The following AGO1 variants were observed in gnomAD, a reference collection of about 807,000 sequenced individuals.
The protein encoded by AGO1 is protein argonaute-1.
A neutral mutation model predicts 109.2 loss-of-function variants in AGO1; 11 were observed. That is an observed-to-expected ratio of 0.10 (90% CI 0.06 to 0.17). The LOEUF (loss-of-function observed/expected upper bound fraction) is 0.17, where lower values mean the gene tolerates loss of function less well. AGO1 is among the 10% of genes least tolerant of loss of function. AGO1 has a pLI of 1.00. For synonymous variants in AGO1, 422 were observed against 418.6 expected, an observed-to-expected ratio of 1.01 and a Z score of -0.10; for missense variants, 574 against 1,140.3, an observed-to-expected ratio of 0.50 and a Z score of 7.15.
intron 1 of AGO1, among the ~76,000 whole-genome samples, chr1:35,884,091 C>T (rs977132725): frequency 5.3e-5 from 8 of 151,250 alleles, no homozygotes; most frequent in Non-Finnish European, 8.9e-5. Flanking sequence ...CTCTCCACAC[C>T]CCCCCGCCCC....
intron 12 of AGO1, among the ~76,000 whole-genome samples, chr1:35,908,582 T>C (rs1239422649): frequency 1.3e-5 from 2 of 152,356 alleles, no homozygotes; most frequent in East Asian, 3.9e-4. Context: ...ACAGATATAG[T>C]CTCTGCTCTT....
In AGO1 at chr1:35,883,379, T is replaced by C. The variant is rs1331202747; in HGVS notation, c.-43T>C. The C allele has an allele frequency of 6.3e-7, 1 of 1,584,236 alleles. No homozygotes were observed. The highest frequency in any genetic ancestry group is 1.4e-5 in the African/African-American group (1 of 71,662). On this transcript the variant is annotated 5_prime_UTR_variant, in exon 1 of 19. Transcript: ENST00000373204. This position sits in a 1 kb window ranked among gnomAD's most constrained non-coding sequence, Gnocchi z 5.4. Reference sequence around the variant, plus strand: ...GGTACCTAGGCCCCTCACGCTGGACTTCACAGTCTCCGGGCCGCCTGACCT... The same window carrying C: ...GGTACCTAGGCCCCTCACGCTGGACCTCACAGTCTCCGGGCCGCCTGACCT...
At chr1:35,879,337 A>G (rs1323938208), upstream of AGO1, among the ~76,000 whole-genome samples, 1 of 152,108 alleles carries the variant, frequency 6.6e-6, no homozygotes, top group African/African-American at 2.4e-5. Context: ...AATCCCAGCT[A>G]CTTGGGAGGC....
intron 15 of AGO1, 33 bp downstream of exon 15, chr1:35,915,575 C>T (rs1332037137): frequency 6.3e-7 from 1 of 1,594,540 alleles, no homozygotes; most frequent in Non-Finnish European, 8.6e-7. Flanking sequence ...AAAACCTTCA[C>T]ATCATGGCTG....
In AGO1 at chr1:35,901,418, G is replaced by GTACT; in HGVS notation, c.1021-56_1021-55insTACT. The GTACT allele has an allele frequency of 6.2e-7, 1 of 1,605,738 alleles. No homozygotes were observed. Among genetic ancestry groups the GTACT allele is most frequent in the Non-Finnish European group, 8.5e-7 (1 of 1,175,074 alleles). Reference sequence around the variant, plus strand: ...GTATCTTTCCTTATTGTGGGGCTCTGGGTACAGGGTGGACTGTACTCAAGC... The same window carrying GTACT: ...GTATCTTTCCTTATTGTGGGGCTCTGTACTGGTACAGGGTGGACTGTACTCAAGC... On this transcript the variant is annotated intron_variant, in intron 8 of 18. Transcript: ENST00000373204. This position sits in a 1 kb window ranked among gnomAD's most constrained non-coding sequence, Gnocchi z 4.8.
intron 14 of AGO1, 54 bp from the exon 15 acceptor site, chr1:35,915,294 C>A: frequency 6.5e-7 from 1 of 1,537,058 alleles, no homozygotes; most frequent in South Asian, 1.1e-5. Context: ...AAACCCATAG[C>A]CTGACAGTGA....
chr1:35,912,080 G>A (rs1021087095), intron 12 of AGO1, among the ~76,000 whole-genome samples: 6 of 151,994 alleles, frequency 3.9e-5, no homozygotes, highest in Non-Finnish European at 7.4e-5. Flanking sequence ...GCCTTCGGCC[G>A]GGCGCGGTGG....
In AGO1 at chr1:35,888,940, T is replaced by C. The variant is rs1443011629; in HGVS notation, c.209+330T>C. ...AGTTTTAAAGAATGAGATATGGGTA[T>C]GTTTACAGATTAAGGAGAAGGAGCT... is the stretch of plus-strand genomic sequence containing the variant. On this transcript the variant is annotated intron_variant, in intron 2 of 18. Transcript: ENST00000373204. The surrounding 1 kb of genome is among the most constrained non-coding windows in gnomAD (Gnocchi z 4.1). Among the ~76,000 whole-genome samples the C allele has an allele frequency of 6.6e-6, 1 of 152,158 alleles. No homozygotes were observed. Among genetic ancestry groups the C allele is most frequent in the Non-Finnish European group, 1.5e-5 (1 of 68,044 alleles).
rs1645065919 is a variant in AGO1, at chr1:35,883,537, CTGAG to C, written c.25+96_25+99del. 6.9e-7 allele frequency: 1 copy of C among 1,441,738 alleles called. No homozygotes were observed. Among genetic ancestry groups the C allele is most frequent in the Non-Finnish European group, 9.1e-7 (1 of 1,097,304 alleles). 89.3% of individuals were successfully genotyped at this position (1,441,738 alleles called of 1,614,324 possible). On this transcript the variant is annotated intron_variant, in intron 1 of 18. Transcript: ENST00000373204. This position sits in a 1 kb window ranked among gnomAD's most constrained non-coding sequence, Gnocchi z 5.4. ...TGGTTTCCAAGTGATGGAAGCGCTC[CTGAG>C]TGAGGAGAAGGGCTCTCCCACGATG...
intron 14 of AGO1, 46 bp downstream of exon 14, chr1:35,914,320 C>T: frequency 6.6e-7 from 1 of 1,520,528 alleles, no homozygotes. Flanking sequence ...CCTCTTCGCT[C>T]TGAGTCCTCA....
chr1:35,915,424 T>C lies in AGO1; in HGVS notation c.1910T>C (p.Ile637Thr). ...GTACAGCGACCACGGCAAGAGATCA[T>C]TGAAGACTTGTCCTACATGGTGCGT... ...VRVQRPRQEI[I>T]EDLSYMVREL... Residue 637 changes from isoleucine to threonine, a missense_variant, in exon 15 of 19, where the codon ATT becomes ACT. By Grantham distance (89) the Ile-to-Thr change is moderately conservative (BLOSUM62 -1). Coordinates refer to ENST00000373204, the MANE Select transcript of AGO1 (RefSeq NM_012199.5). The C allele has an allele frequency of 1.2e-6, 2 of 1,614,154 alleles. No individual in the cohort carries two copies. Among genetic ancestry groups the C allele is most frequent in the South Asian group, 1.1e-5 (1 of 91,076 alleles).
intron 1 of AGO1, among the ~76,000 whole-genome samples, chr1:35,876,867 C>T (rs777998883): frequency 2.6e-5 from 4 of 152,234 alleles, no homozygotes; most frequent in South Asian, 2.1e-4. Context: ...ACTGCAGCTT[C>T]GACCACCTGG....
chr1:35,897,107 T>C (rs1026708326), intron 8 of AGO1, among the ~76,000 whole-genome samples: 3 of 152,172 alleles, frequency 2.0e-5, no homozygotes, highest in African/African-American at 7.2e-5. Context: ...CCAGCTGTTA[T>C]GGAGCTTACA....
rs144715093 is a variant in AGO1 at position 35,902,694 on chromosome 1, T to C, written c.1397+357T>C. 1.1e-3 allele frequency among the ~76,000 whole-genome samples: 164 copies of C among 152,340 alleles called. 2 individuals are homozygous for C. The East Asian group carries it at 0.03, about 28-fold the overall frequency. ...TAATTTATATTCTCTTATTTCATCT[T>C]TACAGTGAGTAGGTGGTGATATGTC... On this transcript the variant is annotated intron_variant, in intron 11 of 18. Coordinates refer to ENST00000373204, the MANE Select transcript of AGO1 (RefSeq NM_012199.5).
At chr1:35,904,909 T>G (rs1019419187) in intron 11 of AGO1, among the ~76,000 whole-genome samples, 3 of 151,674 alleles carry the variant, frequency 2.0e-5, no homozygotes, top group East Asian at 1.9e-4. Context: ...ACTGAGAAAG[T>G]GGGGGAAAAC....
Position 35,893,633 on chromosome 1 carries a change from G to C in AGO1, c.513-41G>C, listed in dbSNP as rs1645262805. ...GCCCAGGATGCCTCACAGGGTGGGG[G>C]CCTGTGCCCGAGGGACCAGTTCTCT... On this transcript the variant is annotated intron_variant, in intron 4 of 18. Transcript: ENST00000373204. The surrounding 1 kb of genome is among the most constrained non-coding windows in gnomAD (Gnocchi z 5.6). 1 of 1,573,204 alleles carries C rather than the reference G, an allele frequency of 6.4e-7. No individual in the cohort carries two copies. Among genetic ancestry groups the C allele is most frequent in the South Asian group, 1.1e-5 (1 of 86,964 alleles).
chr1:35,893,704 A>T lies in AGO1; in HGVS notation c.543A>T (p.Ser181=), dbSNP rs1216160432. 1 of 1,613,592 alleles carries T rather than the reference A, an allele frequency of 6.2e-7. No homozygotes were observed. The change falls in exon 5 of 19, where the codon TCA becomes TCT. Residue 181 remains serine (S), a synonymous_variant. Transcript: ENST00000373204. The surrounding 1 kb of genome is among the most constrained non-coding windows in gnomAD (Gnocchi z 5.6). Reference sequence around the variant, plus strand: ...CCCCTGTGGGCCGCTCCTTCTTCTCACCGCCTGAGGGCTACTACCACCCGC... The same window carrying T: ...CCCCTGTGGGCCGCTCCTTCTTCTCTCCGCCTGAGGGCTACTACCACCCGC... ...RYTPVGRSFF[S]PPEGYYHPLG...
chr1:35,921,079 C>A lies in AGO1; in HGVS notation c.*1472C>A, dbSNP rs1444486087. On this transcript the variant is annotated 3_prime_UTR_variant, in exon 19 of 19. Coordinates refer to ENST00000373204, the MANE Select transcript of AGO1 (RefSeq NM_012199.5). The stretch of plus-strand genomic sequence containing the variant: ...GATAATACCTTTTTCTTGCTATAGC[C>A]TCCCTCCTCTGCACTGTCCTGCACT... The A allele has an allele frequency of 6.5e-6, 1 of 152,706 alleles. No individual in the cohort carries two copies. Among genetic ancestry groups the A allele is most frequent in the African/African-American group, 2.4e-5 (1 of 41,416 alleles). 9.5% of individuals were successfully genotyped at this position (152,706 alleles called of 1,614,324 possible).
At position 35,883,229 on chromosome 1, in the gene AGO1, T is replaced by C. The variant is rs1489178234; in HGVS notation, c.-193T>C. The C allele has an allele frequency of 2.4e-6, 3 of 1,231,368 alleles. No homozygotes were observed. Among genetic ancestry groups the C allele is most frequent in the African/African-American group, 1.6e-5 (1 of 62,882 alleles). 76.3% of individuals were successfully genotyped at this position (1,231,368 alleles called of 1,614,324 possible). On this transcript the variant is annotated 5_prime_UTR_variant, in exon 1 of 19. Coordinates refer to ENST00000373204, the MANE Select transcript of AGO1 (RefSeq NM_012199.5). This position sits in a 1 kb window ranked among gnomAD's most constrained non-coding sequence, Gnocchi z 5.4. Reference sequence around the variant, plus strand: ...TGCGCACTGGCAGCTGGCCGGGCGCTCGCAGTGGGAGCTGCTGCAGGCTCC... The same window carrying C: ...TGCGCACTGGCAGCTGGCCGGGCGCCCGCAGTGGGAGCTGCTGCAGGCTCC...
Sources: allele counts gnomAD v4.1 joint callset (sites outside exome capture counted in the v4.1 genomes callset), GRCh38; gene constraint gnomAD v4.1.1; non-coding constraint Gnocchi (gnomAD v3.1); transcripts MANE v1.5; gene names NCBI Gene and HGNC (gene_info 2026-07-23, HGNC 2026-07-21).